The following SYTL3 variants were observed in gnomAD, a reference collection of about 807,000 sequenced individuals.
SYTL3 encodes the protein synaptotagmin-like protein 3.
Under a neutral mutation model 82.1 loss-of-function variants are expected in SYTL3, and 88 were observed. The ratio of observed to expected loss-of-function variants is 1.07; its 90% CI spans 0.90 to 1.28. SYTL3 has a LOEUF of 1.28. Among genes scored for constraint, SYTL3 ranks in the 50% most tolerant of loss-of-function variants. The probability of loss-of-function intolerance (pLI) is 0.00; values close to 1 mark genes in which losing one functional copy is unlikely to be tolerated. For synonymous variants in SYTL3, 311 were observed against 289.4 expected (o/e 1.07, Z -0.76); for missense variants, 831 against 757.6 (o/e 1.10, Z -1.14).
chr6:158,688,799 A>C (rs1779554824), intron 6 of SYTL3, among the ~76,000 whole-genome samples: 1 of 152,208 alleles, frequency 6.6e-6, no homozygotes. Context: ...GTATACACAC[A>C]TATACATAGA....
chr6:158,724,750 C>T (rs180881334), intron 10 of SYTL3, among the ~76,000 whole-genome samples: 1 of 152,348 alleles, frequency 6.6e-6, no homozygotes, highest in Admixed American at 6.5e-5. Flanking sequence ...TGTGGTGGCT[C>T]ACGCCTGTAA....
intron 5 of SYTL3, among the ~76,000 whole-genome samples, chr6:158,681,677 C>G (rs1351790116): frequency 6.6e-6 from 1 of 152,114 alleles, no homozygotes; most frequent in East Asian, 1.9e-4. Context: ...ACAACAACAA[C>G]AACAAGAACA....
upstream of SYTL3, among the ~76,000 whole-genome samples, chr6:158,648,421 A>C (rs1374307952): frequency 2.6e-5 from 4 of 151,688 alleles, no homozygotes; most frequent in Middle Eastern, 3.4e-3. Context: ...GAAACCCTGT[A>C]TCTACTAAAA....
At chr6:158,757,893 C>T (rs1194720615) in intron 14 of SYTL3, among the ~76,000 whole-genome samples, 2 of 152,214 alleles carry the variant, frequency 1.3e-5, no homozygotes, top group African/African-American at 4.8e-5. Flanking sequence ...TGTGGGGCTC[C>T]AGCTCCTGGT....
rs1387126620 is a variant in SYTL3 at position 158,763,157 on chromosome 6, T to TTA, written c.1518-147_1518-146insTA. ...CCTAAGGGAAATGTGCCGAGTCCTG[T>TTA]GGTTCCCACCCTGCTTCACTGGGGA... is the stretch of plus-strand genomic sequence containing the variant. On this transcript the variant is annotated intron_variant, in intron 16 of 17. Transcript: ENST00000611299. The TTA allele has an allele frequency of 7.6e-4, 565 of 746,140 alleles. 4 individuals carry two copies. In the African/African-American group the frequency reaches 8.5e-3, roughly 11 times the overall value. The allele number at this position is 746,140 out of a possible 1,614,324, so 46.2% of individuals were successfully genotyped here.
chr6:158,727,746 C>T (rs945902238), intron 11 of SYTL3, among the ~76,000 whole-genome samples: 67 of 132,764 alleles, frequency 5.0e-4, no homozygotes, highest in Non-Finnish European at 1.4e-4. Context: ...TGCAGTGGCA[C>T]GATCTCAGCT....
intron 5 of SYTL3, among the ~76,000 whole-genome samples, chr6:158,673,271 A>G (rs1429579874): frequency 6.7e-6 from 1 of 150,114 alleles, no homozygotes; most frequent in African/African-American, 2.5e-5. Flanking sequence ...AGTTTCTAAT[A>G]TGTGTCTGGG....
At chr6:158,679,713 T>G (rs1029408007) in intron 5 of SYTL3, among the ~76,000 whole-genome samples, 1 of 152,254 alleles carries the variant, frequency 6.6e-6, no homozygotes, top group Non-Finnish European at 1.5e-5. Context: ...ATTAGATGAT[T>G]CGCGCTGGGT....
At chr6:158,715,345 A>G (rs528816176) in intron 9 of SYTL3, among the ~76,000 whole-genome samples, 5 of 152,018 alleles carry the variant, frequency 3.3e-5, no homozygotes, top group Non-Finnish European at 4.4e-5. Context: ...GGTGGGACAC[A>G]CACGTCAGCA....
chr6:158,691,003 C>G (rs1344060341), intron 6 of SYTL3, among the ~76,000 whole-genome samples: 1 of 152,122 alleles, frequency 6.6e-6, no homozygotes, highest in East Asian at 1.9e-4. Flanking sequence ...TTCAACCTTC[C>G]TGGCCTCACA....
chr6:158,744,593 A>G (rs1056925057), intron 11 of SYTL3, among the ~76,000 whole-genome samples: 1 of 152,136 alleles, frequency 6.6e-6, no homozygotes, highest in Non-Finnish European at 1.5e-5. Flanking sequence ...TGCTGGGATT[A>G]CAGGCGTGAG....
chr6:158,737,773 G>A (rs1033786745), intron 11 of SYTL3, among the ~76,000 whole-genome samples: 6 of 152,226 alleles, frequency 3.9e-5, no homozygotes, highest in African/African-American at 9.6e-5. Flanking sequence ...GGGAAGGAAC[G>A]CATTTGATGG....
upstream of SYTL3, among the ~76,000 whole-genome samples, chr6:158,648,464 G>A (rs1433568592): frequency 2.6e-5 from 4 of 151,578 alleles, no homozygotes; most frequent in African/African-American, 7.3e-5. Flanking sequence ...GGTGGTGGGC[G>A]CCTGTAGTCC....
chr6:158,707,130 A>T (rs1349825979), intron 6 of SYTL3, 100 bp from the exon 7 acceptor site: 2 of 1,212,900 alleles, frequency 1.6e-6, no homozygotes. Flanking sequence ...ATCACAAGAA[A>T]TGATACTAGA....
upstream of SYTL3, among the ~76,000 whole-genome samples, chr6:158,648,331 C>A (rs138835367): frequency 4.7e-3 from 709 of 152,208 alleles, 5 homozygotes; most frequent in African/African-American, 0.016. Flanking sequence ...GTGGCTCACG[C>A]CTGTAATCCC....
In SYTL3 at chr6:158,743,598, C is replaced by CTTCT. The variant is rs776111512; in HGVS notation, c.856-1880_856-1879insCTTT. Among the ~76,000 whole-genome samples the CTTCT allele has an allele frequency of 3.2e-3, 204 of 63,092 alleles. 2 individuals carry two copies. Among genetic ancestry groups the CTTCT allele is most frequent in the African/African-American group, 0.014 (182 of 13,478 alleles). 41.4% of individuals were successfully genotyped at this position (63,092 alleles called of 152,430 possible). A position where few individuals can be genotyped will look rare whatever the true frequency, so the allele number is the denominator to read the frequency against. On this transcript the variant is annotated intron_variant, in intron 11 of 17. Transcript: ENST00000611299. ...ACTCATGCTGGTGCACCAGTCCAAG[C>CTTCT]TTTTTTTTTTTTTTTTTTTTTTTTT... is the stretch of plus-strand genomic sequence containing the variant.
chr6:158,684,290 C>T (rs980170202), intron 6 of SYTL3, among the ~76,000 whole-genome samples: 7 of 152,134 alleles, frequency 4.6e-5, no homozygotes, highest in African/African-American at 1.2e-4. Context: ...GGGCTCATTT[C>T]GGTGTCTCTC....
Position 158,692,757 on chromosome 6 carries a change from G to A in SYTL3, c.394+9768G>A, listed in dbSNP as rs139641976. Among the ~76,000 whole-genome samples, 1,532 of 146,470 alleles carry A rather than the reference G, an allele frequency of 0.01. 145 individuals carry two copies. In the East Asian group the frequency reaches 0.24, roughly 23 times the overall value. ...TGGAGACCATCTTGGCTAACGTGGT[G>A]AAATCCCGTCTCTACTAAAAAAAAA... On this transcript the variant is annotated intron_variant, in intron 6 of 17. Transcript: ENST00000611299.
chr6:158,657,425 C>CAAAAAAAAAAA (rs535361947), intron 2 of SYTL3, among the ~76,000 whole-genome samples: 1 of 80,108 alleles, frequency 1.2e-5, no homozygotes, highest in Non-Finnish European at 2.4e-5. Context: ...GACTCTGGCT[C>CAAAAAAAAAAA]AAAAAAAAAA....
Sources: gnomAD v4.1 joint callset for allele counts (sites outside exome capture counted in the v4.1 genomes callset) on GRCh38, gnomAD v4.1.1 for gene constraint, MANE v1.5 for transcripts, NCBI Gene and HGNC (gene_info 2026-07-23, HGNC 2026-07-21) for gene names.